The following PTPRN2 variants were observed in gnomAD, a reference collection of about 807,000 sequenced individuals.
PTPRN2 encodes receptor-type tyrosine-protein phosphatase N2.
In PTPRN2, 74 loss-of-function variants were observed where a neutral mutation model predicts 118.8. The ratio of observed to expected loss-of-function variants is 0.62; its 90% CI spans 0.52 to 0.76. The LOEUF is 0.76. PTPRN2 is among the 30% of genes least tolerant of loss of function. PTPRN2 has a pLI of 0.00. For missense variants in PTPRN2, 1,481 were observed against 1,394.4 expected (o/e 1.06, Z -0.99); for synonymous variants, 641 against 608.0 (o/e 1.05, Z -0.80).
intron 8 of PTPRN2, 59 bp from the exon 9 acceptor site, chr7:158,134,118 G>A (rs1205375457): frequency 1.2e-5 from 18 of 1,543,642 alleles, no homozygotes; most frequent in Admixed American, 1.8e-5. Context: ...TGTGACACAT[G>A]CAATCAAGGG....
intron 2 of PTPRN2, among the ~76,000 whole-genome samples, chr7:158,331,112 C>T (rs1249489574): frequency 6.8e-6 from 1 of 147,242 alleles, no homozygotes; most frequent in African/African-American, 2.5e-5. Context: ...GTCACTCACA[C>T]CCACACTCTC....
At chr7:158,337,573 G>GACC (rs1805908977) in intron 2 of PTPRN2, among the ~76,000 whole-genome samples, 1 of 126,402 alleles carries the variant, frequency 7.9e-6, no homozygotes, top group Non-Finnish European at 1.7e-5. Flanking sequence ...ACCATAATTG[G>GACC]TGACACCTGC....
At position 157,874,188 on chromosome 7, in the gene PTPRN2, C is replaced by T. The variant is rs1795569963; in HGVS notation, c.1788+24485G>A. ...AGGTGCTGAAGCGGCCCTCAGTCTGCCTCTGGCCTCCCTCTGTTTCCCCCT... is the reference window on the plus strand; with the variant it reads ...AGGTGCTGAAGCGGCCCTCAGTCTGTCTCTGGCCTCCCTCTGTTTCCCCCT... On this transcript the variant is annotated intron_variant, in intron 12 of 22. Coordinates refer to ENST00000389418, the MANE Select transcript of PTPRN2 (RefSeq NM_002847.5). This position sits in a 1 kb window ranked among gnomAD's most constrained non-coding sequence, Gnocchi z 5.8. 6.6e-6 allele frequency among the ~76,000 whole-genome samples: 1 copy of T among 152,178 alleles called. No individual in the cohort carries two copies. The highest frequency in any genetic ancestry group is 1.5e-5 in the Non-Finnish European group (1 of 68,022).
At position 158,339,575 on chromosome 7, in the gene PTPRN2, C is replaced by G. The variant is rs1205252789; in HGVS notation, c.164-22643G>C. On this transcript the variant is annotated intron_variant, in intron 2 of 22. Coordinates refer to ENST00000389418, the MANE Select transcript of PTPRN2 (RefSeq NM_002847.5). ...ACACTTCTCACCATAAGAGGTGACA[C>G]ATGCAAACGTCACTCACGCCCACAC... is the stretch of plus-strand genomic sequence containing the variant. Among the ~76,000 whole-genome samples, 2 of 10,772 alleles carry G rather than the reference C, an allele frequency of 1.9e-4. 1 individual carries two copies. Among genetic ancestry groups the G allele is most frequent in the Non-Finnish European group, 4.4e-4 (2 of 4,542 alleles). The allele number at this position is 10,772 out of a possible 152,430, so 7.1% of individuals were successfully genotyped here.
chr7:157,990,339 G>C lies in PTPRN2; in HGVS notation c.1723+90959C>G, dbSNP rs1007603340. Among the ~76,000 whole-genome samples, 8 of 152,170 alleles carry C rather than the reference G, an allele frequency of 5.3e-5. No homozygotes were observed. Among genetic ancestry groups the C allele is most frequent in the Non-Finnish European group, 1.0e-4 (7 of 68,040 alleles). On this transcript the variant is annotated intron_variant, in intron 11 of 22. Transcript: ENST00000389418. The surrounding 1 kb of genome is among the most constrained non-coding windows in gnomAD (Gnocchi z 4.3). ...CTGGAGCACAGAGGGGAGGGACGGG[G>C]ACAGGTGCAGCAGAGATTGGGCACG...
chr7:158,403,581 G>A (rs370249335), intron 2 of PTPRN2, among the ~76,000 whole-genome samples: 4 of 152,226 alleles, frequency 2.6e-5, no homozygotes, highest in African/African-American at 9.7e-5. Context: ...CTGGTGGCAC[G>A]TCAATCACCA....
chr7:158,339,834 C>T (rs1403935519), intron 2 of PTPRN2, among the ~76,000 whole-genome samples: 2 of 111,902 alleles, frequency 1.8e-5, no homozygotes, highest in Non-Finnish European at 3.9e-5. Flanking sequence ...CCCACACTCT[C>T]ACCATAAGAA....
At chr7:157,650,979 C>G (rs963289957) in intron 14 of PTPRN2, among the ~76,000 whole-genome samples, 5 of 152,154 alleles carry the variant, frequency 3.3e-5, no homozygotes, top group Non-Finnish European at 7.3e-5. Context: ...GCAGGAGGGC[C>G]GAAGTTCAGA....
At position 158,132,407 on chromosome 7, in the gene PTPRN2, AC is replaced by A. The variant is rs1168296911; in HGVS notation, c.1556+1269del. The stretch of plus-strand genomic sequence containing the variant: ...CATGCAAATAAGCACAAACCAATAC[AC>A]ATCTACCCGACACACACTCATACAC... On this transcript the variant is annotated intron_variant, in intron 9 of 22. Transcript: ENST00000389418. Among the ~76,000 whole-genome samples, 7 of 152,038 alleles carry A rather than the reference AC, an allele frequency of 4.6e-5. No homozygotes were observed. In the East Asian group the frequency reaches 1.2e-3, roughly 25 times the overall value.
At chr7:157,776,082 T>TCCACC (rs1803198593) in intron 12 of PTPRN2, among the ~76,000 whole-genome samples, 1 of 119,444 alleles carries the variant, frequency 8.4e-6, no homozygotes, top group Non-Finnish European at 1.8e-5. Flanking sequence ...CCCTCTTCTC[T>TCCACC]TCCTCCCTCC....
intron 11 of PTPRN2, among the ~76,000 whole-genome samples, chr7:158,063,454 C>T (rs1200176455): frequency 2.0e-5 from 3 of 152,216 alleles, no homozygotes; most frequent in African/African-American, 7.2e-5. Flanking sequence ...GACCAATCAG[C>T]AGGATGTGGG....
intron 3 of PTPRN2, among the ~76,000 whole-genome samples, chr7:158,268,612 A>C (rs1485145840): frequency 2.9e-5 from 4 of 140,250 alleles, no homozygotes; most frequent in African/African-American, 1.1e-4. Context: ...CCGCAGGCAC[A>C]CAGGGCGGGT....
intron 22 of PTPRN2, among the ~76,000 whole-genome samples, chr7:157,546,360 C>T (rs1036531265): frequency 2.0e-5 from 3 of 152,232 alleles, no homozygotes; most frequent in South Asian, 2.1e-4. Flanking sequence ...GGTGGTTTGC[C>T]GCACCCATGA....
At chr7:157,667,125 C>T (rs12698094) in intron 13 of PTPRN2, among the ~76,000 whole-genome samples, 1 of 104,416 alleles carries the variant, frequency 9.6e-6, no homozygotes, top group African/African-American at 3.1e-5. Context: ...CTGGTGGGTG[C>T]AATGAGTACA....
At chr7:157,991,454 C>T (rs950758869) in intron 11 of PTPRN2, among the ~76,000 whole-genome samples, 1 of 152,202 alleles carries the variant, frequency 6.6e-6, no homozygotes, top group Non-Finnish European at 1.5e-5. Flanking sequence ...CCCCACCCAG[C>T]TCCTCTACAC....
intron 14 of PTPRN2, among the ~76,000 whole-genome samples, chr7:157,655,687 G>C (rs906125179): frequency 1.3e-5 from 2 of 152,204 alleles, no homozygotes; most frequent in African/African-American, 4.8e-5. Context: ...CCACCAGGAC[G>C]ACGCCTACGG....
chr7:158,006,490 C>A (rs546369393), intron 11 of PTPRN2, among the ~76,000 whole-genome samples: 2 of 152,320 alleles, frequency 1.3e-5, no homozygotes. Context: ...TGCGGTGAGT[C>A]CCAGCAAGGG....
At chr7:158,329,232 G>A (rs910133945) in intron 2 of PTPRN2, among the ~76,000 whole-genome samples, 3 of 152,212 alleles carry the variant, frequency 2.0e-5, no homozygotes, top group Admixed American at 6.5e-5. Flanking sequence ...GGCCCTTCTG[G>A]GAGGTGAGGA....
intron 4 of PTPRN2, among the ~76,000 whole-genome samples, chr7:158,200,698 CAA>C (rs1826577087): frequency 6.6e-6 from 1 of 152,106 alleles, no homozygotes; most frequent in African/African-American, 2.4e-5. Flanking sequence ...AAAAGTTGAA[CAA>C]AGTCACATTC....
Sources: gnomAD v4.1 joint callset for allele counts (sites outside exome capture counted in the v4.1 genomes callset) on GRCh38, gnomAD v4.1.1 for gene constraint, Gnocchi (gnomAD v3.1) non-coding constraint, MANE v1.5 for transcripts, NCBI Gene and HGNC (gene_info 2026-07-23, HGNC 2026-07-21) for gene names.